GDPD1: variants seen among roughly 807,000 people sequenced by gnomAD.
GDPD1 encodes lysophospholipase D GDPD1.
GDPD1 carries 28 observed loss-of-function variants against 45.1 expected under a neutral mutation model. The ratio of observed to expected loss-of-function variants is 0.62; its 90% CI spans 0.46 to 0.85. The LOEUF (loss-of-function observed/expected upper bound fraction) is 0.85. Among genes scored for constraint, GDPD1 ranks in the 40% least tolerant of loss-of-function variants. GDPD1 has a pLI of 0.00. For synonymous variants in GDPD1, 139 were observed against 131.4 expected (o/e 1.06, Z -0.40); for missense variants, 256 against 364.8 (o/e 0.70, Z 2.43).
At chr17:59,231,606 G>A (rs528884937) in intron 1 of GDPD1, among the ~76,000 whole-genome samples, 4 of 151,830 alleles carry the variant, frequency 2.6e-5, no homozygotes, top group South Asian at 2.1e-4. Flanking sequence ...TATTACAGGC[G>A]TGAGCCACCG....
chr17:59,242,623 C>A (rs117489654), intron 2 of GDPD1, among the ~76,000 whole-genome samples: 3,387 of 152,248 alleles, frequency 0.022, 73 homozygotes, highest in Non-Finnish European at 0.038. Flanking sequence ...ATGATTGATG[C>A]AGATAGTTTT....
chr17:59,243,589 T>C (rs917725367), intron 2 of GDPD1, among the ~76,000 whole-genome samples: 2 of 151,984 alleles, frequency 1.3e-5, no homozygotes, highest in African/African-American at 4.8e-5. Flanking sequence ...AACAGTTCAG[T>C]CTTTCAGCCA....
chr17:59,257,247 A>C lies in GDPD1; in HGVS notation c.486+7A>C. 9.9e-6 allele frequency: 14 copies of C among 1,412,438 alleles called. No individual in the cohort carries two copies. The highest frequency in any genetic ancestry group is 1.3e-5 in the Non-Finnish European group (13 of 1,010,990). The allele number at this position is 1,412,438 out of a possible 1,614,324, so 87.5% of individuals were successfully genotyped here. ...CAATGTGCTGATTAAGAAGGTACTC[A>C]AGGCATTGCCTCCTCTGGGTGTGTT... On this transcript the variant is annotated splice_region_variant and intron_variant, in intron 5 of 9. Transcript: ENST00000284116.
At chr17:59,258,420 G>C (rs147497071) in intron 6 of GDPD1, among the ~76,000 whole-genome samples, 1,738 of 152,128 alleles carry the variant, frequency 0.011, 27 homozygotes, top group African/African-American at 0.039. Context: ...GCACGTGCCT[G>C]TAGTCCCAGC....
At chr17:59,262,239 G>A (rs1426415365) in intron 6 of GDPD1, among the ~76,000 whole-genome samples, 1 of 152,074 alleles carries the variant, frequency 6.6e-6, no homozygotes, top group African/African-American at 2.4e-5. Context: ...CGTTACCAGG[G>A]AGATGCAGCC....
intron 4 of GDPD1, among the ~76,000 whole-genome samples, chr17:59,255,115 G>A (rs916327535): frequency 6.6e-6 from 1 of 152,010 alleles, no homozygotes; most frequent in Non-Finnish European, 1.5e-5. Context: ...TTCTGACATG[G>A]ATTTCATTTA....
chr17:59,252,493 C>T (rs181812303), intron 4 of GDPD1, among the ~76,000 whole-genome samples: 21 of 151,990 alleles, frequency 1.4e-4, no homozygotes, highest in African/African-American at 4.8e-4. Flanking sequence ...CCCACATCAG[C>T]GTCCCAAAGG....
At chr17:59,223,271 T>C (rs1324806018) in intron 1 of GDPD1, among the ~76,000 whole-genome samples, 1 of 152,236 alleles carries the variant, frequency 6.6e-6, no homozygotes, top group African/African-American at 2.4e-5. Context: ...TAATGGAACT[T>C]TTTGTGATAA....
At chr17:59,254,360 CAAAA>C (rs1198335465) in intron 4 of GDPD1, among the ~76,000 whole-genome samples, 5 of 62,156 alleles carry the variant, frequency 8.0e-5, no homozygotes, top group Admixed American at 1.8e-4. Flanking sequence ...GACTCCGTCT[CAAAA>C]AAAAAAAAAA....
chr17:59,231,420 G>A (rs1257797954), intron 1 of GDPD1, among the ~76,000 whole-genome samples: 3 of 141,034 alleles, frequency 2.1e-5, no homozygotes, highest in Non-Finnish European at 4.5e-5. Flanking sequence ...TCTGCCTCCC[G>A]GGTTCACGCC....
rs187218061 is a variant in GDPD1 at position 59,234,987 on chromosome 17, T to C, written c.185+453T>C. Among the ~76,000 whole-genome samples the C allele has an allele frequency of 3.0e-3, 449 of 150,964 alleles. 2 individuals are homozygous for C. The highest frequency in any genetic ancestry group is 5.1e-3 in the Non-Finnish European group (346 of 67,628). On this transcript the variant is annotated intron_variant, in intron 2 of 9. Transcript: ENST00000284116. ...AGGAGTGTTGATCTTTTTTTTTTTTTCAAATAAAATACATTTTTAAATTCC... is the reference window on the plus strand; with the variant it reads ...AGGAGTGTTGATCTTTTTTTTTTTTCCAAATAAAATACATTTTTAAATTCC...
At position 59,220,713 on chromosome 17, in the gene GDPD1, A is replaced by G. The variant is rs2147869113; in HGVS notation, c.104A>G (p.Lys35Arg). ...CCGACCTTGCTGCACCAGAGAAAGA[A>G]GCAGCGATTCCTCAGTAAACACATC... ...KYPTLLHQRK[K>R]QRFLSKHISH... Residue 35 changes from lysine (K) to arginine (R), a missense_variant, in exon 1 of 10, where the codon AAG becomes AGG. Physicochemically the swap from Lys to Arg is conservative, Grantham distance 26. Coordinates refer to ENST00000284116, the MANE Select transcript of GDPD1 (RefSeq NM_182569.4). The G allele has an allele frequency of 6.2e-7, 1 of 1,614,146 alleles. No homozygotes were observed. Among genetic ancestry groups the G allele is most frequent in the East Asian group, 2.2e-5 (1 of 44,880 alleles).
At chr17:59,223,088 CACA>C (rs918733780) in intron 1 of GDPD1, among the ~76,000 whole-genome samples, 18 of 152,276 alleles carry the variant, frequency 1.2e-4, no homozygotes, top group African/African-American at 3.6e-4. Context: ...GCTAGATTAT[CACA>C]ACAAGTATCA....
chr17:59,243,747 C>T (rs1464080578), intron 2 of GDPD1, among the ~76,000 whole-genome samples: 1 of 152,184 alleles, frequency 6.6e-6, no homozygotes, highest in African/African-American at 2.4e-5. Context: ...CTACACATTA[C>T]ATACTATGGA....
rs1157664588 is a variant in GDPD1 at position 59,273,944 on chromosome 17, A to G, written c.*171A>G. 2.6e-6 allele frequency: 2 copies of G among 760,158 alleles called. No homozygotes were observed. Among genetic ancestry groups the G allele is most frequent in the African/African-American group, 3.8e-5 (2 of 53,094 alleles). 47.1% of individuals were successfully genotyped at this position (760,158 alleles called of 1,614,324 possible). A position where few individuals can be genotyped will look rare whatever the true frequency, so the allele number is the denominator to read the frequency against. ...GAAACTATATATTATATGTATATTTATTTTAAATAATATTGTATATTTTAT... is the reference window on the plus strand; with the variant it reads ...GAAACTATATATTATATGTATATTTGTTTTAAATAATATTGTATATTTTAT... On this transcript the variant is annotated 3_prime_UTR_variant, in exon 10 of 10. Coordinates refer to ENST00000284116, the MANE Select transcript of GDPD1 (RefSeq NM_182569.4).
rs2047439794 is a variant in GDPD1 at position 59,270,965 on chromosome 17, G to A, written c.740G>A (p.Ser247Asn). Residue 247 changes from serine (S) to asparagine (N), a missense_variant, in exon 8 of 10, where the codon AGT becomes AAT. Transcript: ENST00000284116. ...AAAGAACCACACACCATGTCCAGAAGTCAAAAGTTTCTCATCTGGCTTTCT... is the reference window on the plus strand; with the variant it reads ...AAAGAACCACACACCATGTCCAGAAATCAAAAGTTTCTCATCTGGCTTTCT... Reference protein sequence around the residue: ...KLKEPHTMSRSQKFLIWLSDL... With the variant: ...KLKEPHTMSRNQKFLIWLSDL... 5 of 1,605,094 alleles carry A rather than the reference G, an allele frequency of 3.1e-6. No homozygotes were observed. The highest frequency in any genetic ancestry group is 1.7e-5 in the Admixed American group (1 of 59,114).
At chr17:59,236,737 G>A (rs1286305050) in intron 2 of GDPD1, among the ~76,000 whole-genome samples, 7 of 151,960 alleles carry the variant, frequency 4.6e-5, no homozygotes, top group South Asian at 2.1e-4. Flanking sequence ...CTCGAACTAC[G>A]GACCTCAAGT....
chr17:59,267,758 C>T (rs961336371), intron 7 of GDPD1, among the ~76,000 whole-genome samples: 1 of 151,692 alleles, frequency 6.6e-6, no homozygotes. Context: ...CAACCTCTGC[C>T]TCCCGGGTTC....
intron 3 of GDPD1, 138 bp from the exon 4 acceptor site, chr17:59,248,602 T>C: frequency 3.5e-6 from 2 of 577,730 alleles, no homozygotes; most frequent in East Asian, 2.8e-5. Flanking sequence ...CTGTTGGGGA[T>C]GTTCTGCTAA....
Sources: allele counts gnomAD v4.1 joint callset (sites outside exome capture counted in the v4.1 genomes callset), GRCh38; gene constraint gnomAD v4.1.1; transcripts MANE v1.5; gene names NCBI Gene and HGNC (gene_info 2026-07-23, HGNC 2026-07-21).